NOS1AP: variants seen among roughly 807,000 people sequenced by gnomAD.
The protein encoded by NOS1AP is nitric oxide synthase 1 adaptor protein.
In NOS1AP, 21 loss-of-function variants were observed where a neutral mutation model predicts 56.2. That is an observed-to-expected ratio of 0.37 (90% CI 0.26 to 0.54). NOS1AP has a LOEUF of 0.54. NOS1AP is among the 20% of genes least tolerant of loss of function. NOS1AP has a pLI of 0.84. For synonymous variants in NOS1AP, 270 were observed against 274.6 expected, an observed-to-expected ratio of 0.98 and a Z score of 0.17; for missense variants, 522 against 657.8, an observed-to-expected ratio of 0.79 and a Z score of 2.26.
intron 1 of NOS1AP, among the ~76,000 whole-genome samples, chr1:162,102,806 T>C (rs550325550): frequency 3.3e-5 from 5 of 152,290 alleles, no homozygotes; most frequent in African/African-American, 1.2e-4. Flanking sequence ...TCTGATTGTG[T>C]TTATTTGATT....
intron 1 of NOS1AP, among the ~76,000 whole-genome samples, chr1:162,081,805 T>A (rs1691902657): frequency 7.0e-6 from 1 of 143,770 alleles, no homozygotes; most frequent in South Asian, 2.2e-4. Context: ...GTTTTCACCA[T>A]GTTGCTCAGA....
rs141929531 is a variant in NOS1AP, at chr1:162,297,798, C to T, written c.271-2835C>T. 3.8e-3 allele frequency among the ~76,000 whole-genome samples: 578 copies of T among 152,282 alleles called. 2 individuals are homozygous for T. The highest frequency in any genetic ancestry group is 0.013 in the African/African-American group (547 of 41,554). On this transcript the variant is annotated intron_variant, in intron 3 of 9. Coordinates refer to ENST00000361897, the MANE Select transcript of NOS1AP (RefSeq NM_014697.3). Reference sequence around the variant, plus strand: ...TTTACCCTATTCCTCCTGCTAAGTACAGCTGAAAACCCTAGACATTTTATA... The same window carrying T: ...TTTACCCTATTCCTCCTGCTAAGTATAGCTGAAAACCCTAGACATTTTATA...
chr1:162,281,122 G>T (rs1048794131), intron 2 of NOS1AP, among the ~76,000 whole-genome samples: 2 of 152,282 alleles, frequency 1.3e-5, no homozygotes, highest in East Asian at 3.9e-4. Context: ...AATAATGACA[G>T]CTCTACAGGA....
At chr1:162,282,936 T>G (rs1052448107) in intron 2 of NOS1AP, among the ~76,000 whole-genome samples, 1 of 152,154 alleles carries the variant, frequency 6.6e-6, no homozygotes, top group Admixed American at 6.5e-5. Flanking sequence ...TGAGAAGGAC[T>G]TGGCAAAATG....
At chr1:162,281,322 A>G (rs917507520) in intron 2 of NOS1AP, among the ~76,000 whole-genome samples, 2 of 152,254 alleles carry the variant, frequency 1.3e-5, no homozygotes, top group Non-Finnish European at 1.5e-5. Context: ...GGCTCTGTGA[A>G]TAACCACTGT....
intron 6 of NOS1AP, among the ~76,000 whole-genome samples, chr1:162,345,334 G>C (rs1328296353): frequency 1.6e-5 from 2 of 122,160 alleles, no homozygotes; most frequent in Non-Finnish European, 3.2e-5. Flanking sequence ...AGTCCCCAGA[G>C]TGTGATGTTC....
At chr1:162,176,803 C>T (rs933770106) in intron 2 of NOS1AP, among the ~76,000 whole-genome samples, 1 of 152,132 alleles carries the variant, frequency 6.6e-6, no homozygotes, top group Non-Finnish European at 1.5e-5. Flanking sequence ...GCCAATAGCT[C>T]ATTTTTTATT....
intron 2 of NOS1AP, among the ~76,000 whole-genome samples, chr1:162,214,501 T>C (rs2101650439): frequency 6.6e-6 from 1 of 152,316 alleles, no homozygotes; most frequent in Middle Eastern, 3.4e-3. Flanking sequence ...GAAGGGCTGC[T>C]TAGCTTCTGA....
At chr1:162,150,675 T>A (rs1649669774) in intron 1 of NOS1AP, among the ~76,000 whole-genome samples, 1 of 152,216 alleles carries the variant, frequency 6.6e-6, no homozygotes, top group Non-Finnish European at 1.5e-5. Context: ...GTGAAAGATA[T>A]CTCATTGTAG....
At chr1:162,083,295 G>A (rs1487036465) in intron 1 of NOS1AP, among the ~76,000 whole-genome samples, 8 of 152,128 alleles carry the variant, frequency 5.3e-5, no homozygotes, top group African/African-American at 7.2e-5. Context: ...ATTGTTCTGC[G>A]GAGAGGAAGA....
At chr1:162,147,201 C>T (rs982578418) in intron 1 of NOS1AP, among the ~76,000 whole-genome samples, 5 of 151,712 alleles carry the variant, frequency 3.3e-5, no homozygotes, top group Admixed American at 1.3e-4. Context: ...GGGTGGTGGG[C>T]GCCTGGAGTC....
At position 162,367,163 on chromosome 1, in the gene NOS1AP, C is replaced by T. The variant is rs34398505; in HGVS notation, c.1217C>T (p.Ala406Val). Residue 406 changes from alanine (A) to valine (V), a missense_variant, in exon 10 of 10, where the codon GCG becomes GTG. Coordinates refer to ENST00000361897, the MANE Select transcript of NOS1AP (RefSeq NM_014697.3). This position sits in a 1 kb window ranked among gnomAD's most constrained non-coding sequence, Gnocchi z 6.5. The part of the protein sequence containing the change: ...PEDLHSPPLG[A>V]GLADFAHPAG... Reference sequence around the variant, plus strand: ...GACCTGCATTCGCCGCCGCTGGGCGCGGGCTTGGCTGACTTTGCCCACCCT... The same window carrying T: ...GACCTGCATTCGCCGCCGCTGGGCGTGGGCTTGGCTGACTTTGCCCACCCT... 1,493 of 1,613,854 alleles carry T rather than the reference C, an allele frequency of 9.3e-4. 14 individuals are homozygous for T. The African/African-American group carries it at 0.016, about 17-fold the overall frequency.
At chr1:162,365,683 C>T in intron 9 of NOS1AP, 114 bp downstream of exon 9, 1 of 1,279,674 alleles carries the variant, frequency 7.8e-7, no homozygotes, top group Non-Finnish European at 1.1e-6. Flanking sequence ...CCCTATATTC[C>T]AGCAGAAAAC....
intron 1 of NOS1AP, among the ~76,000 whole-genome samples, chr1:162,139,709 C>A (rs1649152209): frequency 6.6e-6 from 1 of 152,172 alleles, no homozygotes; most frequent in Admixed American, 6.5e-5. Flanking sequence ...ATATTGGTTT[C>A]TCCTTAAAAA....
intron 2 of NOS1AP, among the ~76,000 whole-genome samples, chr1:162,166,513 C>T (rs1208803178): frequency 6.6e-6 from 1 of 152,320 alleles, no homozygotes; most frequent in East Asian, 1.9e-4. Flanking sequence ...TGCTTATCTT[C>T]CAGAGCCTAT....
rs548178606 is a variant in NOS1AP, at chr1:162,341,323, C to G, written c.454-2512C>G. Among the ~76,000 whole-genome samples the G allele has an allele frequency of 2.0e-5, 3 of 152,182 alleles. No homozygotes were observed. In the South Asian group the frequency reaches 6.2e-4, roughly 32 times the overall value. ...AGTGAATTTAGAATTTTCTATATAA[C>G]TGTATTTTAAAGGGGGAACTGTATT... On this transcript the variant is annotated intron_variant, in intron 5 of 9. Transcript: ENST00000361897.
chr1:162,329,678 G>A (rs904024772), intron 4 of NOS1AP, among the ~76,000 whole-genome samples: 3 of 152,068 alleles, frequency 2.0e-5, no homozygotes, highest in Non-Finnish European at 4.4e-5. Flanking sequence ...AGAAAACCAA[G>A]TAATGGAGAA....
chr1:162,364,510 A>C (rs1211802533), intron 8 of NOS1AP: 3 of 985,348 alleles, frequency 3.0e-6, no homozygotes. Context: ...ATCTCCACAT[A>C]AGTATTGCTC....
chr1:162,236,646 C>T (rs1044879250), intron 2 of NOS1AP, among the ~76,000 whole-genome samples: 1 of 152,210 alleles, frequency 6.6e-6, no homozygotes, highest in Non-Finnish European at 1.5e-5. Flanking sequence ...CACTCCAGCC[C>T]CCCTTTCCCT....
Sources: gnomAD v4.1 joint callset for allele counts (sites outside exome capture counted in the v4.1 genomes callset) on GRCh38, gnomAD v4.1.1 for gene constraint, Gnocchi (gnomAD v3.1) non-coding constraint, MANE v1.5 for transcripts, NCBI Gene and HGNC (gene_info 2026-07-23, HGNC 2026-07-21) for gene names.